The following FOXN3 variants were observed in gnomAD, a reference collection of about 807,000 sequenced individuals.
FOXN3 encodes forkhead box N3.
FOXN3 carries 7 observed loss-of-function variants against 38.4 expected under a neutral mutation model. The observed-to-expected ratio is 0.18, with a 90% CI of 0.10 to 0.34. The LOEUF is 0.34. Among genes scored for constraint, FOXN3 ranks in the 10% least tolerant of loss-of-function variants. The probability of loss-of-function intolerance (pLI) is 1.00; values close to 1 mark genes in which losing one functional copy is unlikely to be tolerated. For missense variants in FOXN3, 456 were observed against 613.4 expected (o/e 0.74, Z 2.71); for synonymous variants, 230 against 242.2 (o/e 0.95, Z 0.47).
chr14:89,308,614 C>T (rs977907767), intron 3 of FOXN3, among the ~76,000 whole-genome samples: 1 of 152,212 alleles, frequency 6.6e-6, no homozygotes, highest in African/African-American at 2.4e-5. Flanking sequence ...CGGGAAGAAG[C>T]AGAATCTGGC....
rs535087045 is a variant in FOXN3, at chr14:89,187,129, C to G, written c.746-6323G>C. 1.2e-4 allele frequency among the ~76,000 whole-genome samples: 19 copies of G among 152,308 alleles called. No individual in the cohort carries two copies. In the South Asian group the frequency reaches 3.7e-3, roughly 30 times the overall value. On this transcript the variant is annotated intron_variant, in intron 4 of 5. Coordinates refer to ENST00000557258, the MANE Select transcript of FOXN3 (RefSeq NM_005197.4). ...ATGAAGGGTGAGGACAAAGGAAAAG[C>G]CTTCCAGCTATCCAGGCCAGCCTCT... is the stretch of plus-strand genomic sequence containing the variant.
At chr14:89,581,986 G>A (rs1895749683) in intron 1 of FOXN3, among the ~76,000 whole-genome samples, 1 of 152,154 alleles carries the variant, frequency 6.6e-6, no homozygotes, top group Non-Finnish European at 1.5e-5. Flanking sequence ...AGGGAGACCA[G>A]ATTCAGAGTA....
chr14:89,304,509 T>C (rs576830078), intron 3 of FOXN3, among the ~76,000 whole-genome samples: 1 of 152,262 alleles, frequency 6.6e-6, no homozygotes, highest in Admixed American at 6.5e-5. Flanking sequence ...GGGTGCTTTT[T>C]AAAAATTCTG....
chr14:89,333,961 G>GGTGT (rs1477552650), intron 3 of FOXN3, among the ~76,000 whole-genome samples: 219 of 59,150 alleles, frequency 3.7e-3, no homozygotes, highest in African/African-American at 0.017. Context: ...AAGAAAATGT[G>GGTGT]GTGTGTATAT....
chr14:89,397,893 A>G (rs565028097), intron 2 of FOXN3, among the ~76,000 whole-genome samples: 2 of 152,292 alleles, frequency 1.3e-5, no homozygotes, highest in South Asian at 4.1e-4. Context: ...AGCAGGTCCT[A>G]TGGAAATGTC....
At position 89,555,882 on chromosome 14, in the gene FOXN3, G is replaced by GTGGGT. The variant is rs58769284; in HGVS notation, c.-15+63145_-15+63146insACCCA. 5.7e-5 allele frequency among the ~76,000 whole-genome samples: 6 copies of GTGGGT among 104,602 alleles called. 1 individual carries two copies. The highest frequency in any genetic ancestry group is 1.2e-4 in the Non-Finnish European group (6 of 49,348). The allele number at this position is 104,602 out of a possible 152,430, so 68.6% of individuals were successfully genotyped here. A position where few individuals can be genotyped will look rare whatever the true frequency, so the allele number is the denominator to read the frequency against. On this transcript the variant is annotated intron_variant, in intron 1 of 6. Coordinates refer to the FOXN3 transcript ENST00000345097. ...GTGTGTGTGTGTGTGTGTGTATGTG[G>GTGGGT]GGGTGTATGTGGGGGTGTGTGTGTT...
At chr14:89,617,200 T>G (rs1476547219) in intron 1 of FOXN3, among the ~76,000 whole-genome samples, 1 of 152,236 alleles carries the variant, frequency 6.6e-6, no homozygotes, top group Non-Finnish European at 1.5e-5. Flanking sequence ...GTTTATACAT[T>G]TAACAACTTC....
intron 3 of FOXN3, among the ~76,000 whole-genome samples, chr14:89,345,518 C>G (rs1316194482): frequency 2.0e-5 from 3 of 152,140 alleles, no homozygotes; most frequent in Non-Finnish European, 2.9e-5. Context: ...TTTTGGGGTA[C>G]AGATGGTTTT....
chr14:89,478,162 G>C (rs1263400085), intron 1 of FOXN3, among the ~76,000 whole-genome samples: 1 of 152,122 alleles, frequency 6.6e-6, no homozygotes, highest in Non-Finnish European at 1.5e-5. Context: ...GTTTGAAAGT[G>C]TGTGGCGCCT....
chr14:89,469,106 T>C (rs1415563587), intron 1 of FOXN3, among the ~76,000 whole-genome samples: 2 of 152,106 alleles, frequency 1.3e-5, no homozygotes, highest in Non-Finnish European at 2.9e-5. Context: ...ATGAGTGAGG[T>C]TGAGAACTCT....
At chr14:89,392,907 A>G (rs1890994114) in intron 2 of FOXN3, among the ~76,000 whole-genome samples, 1 of 151,788 alleles carries the variant, frequency 6.6e-6, no homozygotes, top group Non-Finnish European at 1.5e-5. Flanking sequence ...CCAAGGTTCA[A>G]GAGATTCTTC....
intron 1 of FOXN3, among the ~76,000 whole-genome samples, chr14:89,552,658 A>G (rs1895029031): frequency 6.6e-6 from 1 of 152,024 alleles, no homozygotes; most frequent in South Asian, 2.1e-4. Context: ...TGGGAGTTTG[A>G]GACCAGCCTG....
At chr14:89,438,063 A>T (rs1892306624) in intron 1 of FOXN3, among the ~76,000 whole-genome samples, 1 of 152,278 alleles carries the variant, frequency 6.6e-6, no homozygotes, top group African/African-American at 2.4e-5. Context: ...AACTAAGATT[A>T]TATTTAGCAT....
chr14:89,568,943 G>A (rs4083702), intron 1 of FOXN3, among the ~76,000 whole-genome samples: 77,993 of 152,156 alleles, frequency 0.51, 20,877 homozygotes, highest in Non-Finnish European at 0.59. Flanking sequence ...GGTGGCTCAC[G>A]CCTGTAATCC....
At chr14:89,462,353 C>A (rs963511177) in intron 1 of FOXN3, among the ~76,000 whole-genome samples, 2 of 152,210 alleles carry the variant, frequency 1.3e-5, no homozygotes, top group African/African-American at 2.4e-5. Context: ...AGTGTAATTT[C>A]TTTATTTTAA....
At chr14:89,382,279 C>T (rs370924164) in intron 2 of FOXN3, among the ~76,000 whole-genome samples, 63 of 152,154 alleles carry the variant, frequency 4.1e-4, no homozygotes, top group Non-Finnish European at 5.6e-4. Context: ...TATAACCCGG[C>T]TGGACCGCTG....
rs1055409784 is a variant in FOXN3 at position 89,484,871 on chromosome 14, C to T, written c.-14-72381G>A. Among the ~76,000 whole-genome samples the T allele has an allele frequency of 2.0e-5, 3 of 152,144 alleles. No individual in the cohort carries two copies. Among genetic ancestry groups the T allele is most frequent in the African/African-American group, 4.8e-5 (2 of 41,422 alleles). On this transcript the variant is annotated intron_variant, in intron 1 of 6. Coordinates refer to the FOXN3 transcript ENST00000345097. This position sits in a 1 kb window ranked among gnomAD's most constrained non-coding sequence, Gnocchi z 4.0. ...ACCCAGGACAGGCCAGGTGTGGTAG[C>T]TCATGCCTGTAATCCTAGCACTTTG...
At chr14:89,265,996 T>C (rs1295781034) in intron 4 of FOXN3, among the ~76,000 whole-genome samples, 2 of 152,186 alleles carry the variant, frequency 1.3e-5, no homozygotes, top group Non-Finnish European at 2.9e-5. Context: ...CAGCTGCCCA[T>C]TACTGTGGAT....
At chr14:89,418,520 C>T (rs1333460070), upstream of FOXN3, among the ~76,000 whole-genome samples, 1 of 146,762 alleles carries the variant, frequency 6.8e-6, no homozygotes, top group Non-Finnish European at 1.5e-5. Flanking sequence ...GACCTTACTA[C>T]TTCCAAGTTG....
Sources: gnomAD v4.1 joint callset for allele counts (sites outside exome capture counted in the v4.1 genomes callset) on GRCh38, gnomAD v4.1.1 for gene constraint, Gnocchi (gnomAD v3.1) non-coding constraint, MANE v1.5 for transcripts, NCBI Gene and HGNC (gene_info 2026-07-23, HGNC 2026-07-21) for gene names.